PPARD: variants seen among roughly 807,000 people sequenced by gnomAD.
The protein encoded by PPARD is peroxisome proliferator-activated receptor delta.
A neutral mutation model predicts 39.5 loss-of-function variants in PPARD; 6 were observed. That is an observed-to-expected ratio of 0.15 (90% CI 0.08 to 0.30). The LOEUF is 0.30. Among genes scored for constraint, PPARD ranks in the 10% least tolerant of loss-of-function variants. PPARD has a pLI of 1.00. For missense variants in PPARD, 397 were observed against 596.8 expected (o/e 0.67, Z 3.49); for synonymous variants, 210 against 231.3 (o/e 0.91, Z 0.83).
At chr6:35,359,376 C>T (rs1391981455) in intron 2 of PPARD, among the ~76,000 whole-genome samples, 1 of 152,160 alleles carries the variant, frequency 6.6e-6, no homozygotes, top group Non-Finnish European at 1.5e-5. Flanking sequence ...TACCAGCAGG[C>T]AAACATAGTC....
At chr6:35,409,278 G>A (rs1765267977) in intron 2 of PPARD, among the ~76,000 whole-genome samples, 1 of 152,032 alleles carries the variant, frequency 6.6e-6, no homozygotes, top group South Asian at 2.1e-4. Flanking sequence ...GCCAAGGTGG[G>A]CAGATTGCTT....
chr6:35,426,461 A>C lies in PPARD; in HGVS notation c.*382A>C. ...TTGTATTATTTCACCAGCAGCATAGAACAGGACCTCTGCTTTTGCACACCT... is the reference window on the plus strand; with the variant it reads ...TTGTATTATTTCACCAGCAGCATAGCACAGGACCTCTGCTTTTGCACACCT... On this transcript the variant is annotated 3_prime_UTR_variant, in exon 8 of 8. Transcript: ENST00000360694. The C allele has an allele frequency of 4.1e-6, 1 of 245,760 alleles. No individual in the cohort carries two copies. The highest frequency in any genetic ancestry group is 8.0e-6 in the Non-Finnish European group (1 of 125,730). 15.2% of individuals were successfully genotyped at this position (245,760 alleles called of 1,614,324 possible).
intron 2 of PPARD, among the ~76,000 whole-genome samples, chr6:35,371,191 G>A (rs1034217195): frequency 1.3e-5 from 2 of 152,076 alleles, no homozygotes; most frequent in Non-Finnish European, 2.9e-5. Context: ...TGTTAGACTC[G>A]GGAATGATGC....
At chr6:35,413,684 C>CT (rs569625848) in intron 3 of PPARD, among the ~76,000 whole-genome samples, 4,869 of 139,680 alleles carry the variant, frequency 0.035, 99 homozygotes, top group Middle Eastern at 0.048. Context: ...ATGTGTGATT[C>CT]TTTTTTTTTT....
At chr6:35,396,727 G>A (rs1008216309) in intron 2 of PPARD, among the ~76,000 whole-genome samples, 1 of 151,938 alleles carries the variant, frequency 6.6e-6, no homozygotes, top group Non-Finnish European at 1.5e-5. Context: ...CTACTCAGGA[G>A]ACTGAGGCAG....
At chr6:35,420,716 A>G (rs1766094451) in intron 4 of PPARD, among the ~76,000 whole-genome samples, 1 of 147,992 alleles carries the variant, frequency 6.8e-6, no homozygotes, top group Non-Finnish European at 1.5e-5. Context: ...CTCACAGATT[A>G]TTTTATTGAA....
chr6:35,413,745 A>G (rs1562218271), intron 3 of PPARD, among the ~76,000 whole-genome samples: 1 of 150,702 alleles, frequency 6.6e-6, no homozygotes. Context: ...GCAGTGGCAC[A>G]CGATCTCAAC....
chr6:35,397,113 C>T (rs945450866), intron 2 of PPARD, among the ~76,000 whole-genome samples: 1 of 152,102 alleles, frequency 6.6e-6, no homozygotes, highest in Non-Finnish European at 1.5e-5. Context: ...CAGGTACTGA[C>T]TGGTCTTATC....
rs376621167 is a variant in PPARD at position 35,424,128 on chromosome 6, G to A, written c.607G>A (p.Gly203Ser). ...AAAGAAGGCCCGCAGCATCCTCACC[G>A]GCAAAGCCAGCCACACGGCGGTGAG... ...TKKKARSILT[G>S]KASHTAPFVI... The change falls in exon 6 of 8, where the codon GGC becomes AGC. Residue 203 changes from glycine (G) to serine (S), a missense_variant. Gly to Ser is a moderately conservative substitution (Grantham distance 56, BLOSUM62 0). Coordinates refer to ENST00000360694, the MANE Select transcript of PPARD (RefSeq NM_006238.5). This position sits in a 1 kb window ranked among gnomAD's most constrained non-coding sequence, Gnocchi z 7.1. 11 of 1,613,026 alleles carry A rather than the reference G, an allele frequency of 6.8e-6. No individual in the cohort carries two copies. The highest frequency in any genetic ancestry group is 1.6e-4 in the Middle Eastern group (1 of 6,062).
In PPARD at chr6:35,401,322, A is replaced by G. The variant is rs952799920; in HGVS notation, c.-101-9665A>G. On this transcript the variant is annotated intron_variant, in intron 2 of 7. Transcript: ENST00000360694. The surrounding 1 kb of genome is among the most constrained non-coding windows in gnomAD (Gnocchi z 4.1). ...CTCCCTTGCCAGGTTTGCTGTAACT[A>G]TTGCTCCTCCGAGCCTGGCTGAAAT... Among the ~76,000 whole-genome samples the G allele has an allele frequency of 5.3e-5, 8 of 151,984 alleles. No individual in the cohort carries two copies. The East Asian group carries it at 1.5e-3, about 29-fold the overall frequency.
rs557909431 is a variant in PPARD, at chr6:35,419,034, G to A, written c.131-1093G>A. Among the ~76,000 whole-genome samples the A allele has an allele frequency of 3.5e-4, 53 of 152,300 alleles. No individual in the cohort carries two copies. In the South Asian group the frequency reaches 0.01, roughly 30 times the overall value. ...GGGAAATCAAAGTTGCTTGGCCTGT[G>A]TAGTAGACAGGTATTACCACAGGCC... On this transcript the variant is annotated intron_variant, in intron 3 of 7. Transcript: ENST00000360694.
At chr6:35,420,819 C>CTTTTTTTTTTTTTTTT (rs35852986) in intron 4 of PPARD, among the ~76,000 whole-genome samples, 5 of 85,708 alleles carry the variant, frequency 5.8e-5, no homozygotes, top group Non-Finnish European at 8.5e-5. Flanking sequence ...AACAAAGAAG[C>CTTTTTTTTTTTTTTTT]TTTTTTTTTT....
At chr6:35,419,751 A>C (rs1281898951) in intron 3 of PPARD, among the ~76,000 whole-genome samples, 1 of 152,138 alleles carries the variant, frequency 6.6e-6, no homozygotes, top group Non-Finnish European at 1.5e-5. Context: ...CTGCTTCCTA[A>C]GGGCTAAGAC....
intron 2 of PPARD, among the ~76,000 whole-genome samples, chr6:35,384,786 TG>T (rs71002558): frequency 0.32 from 3,788 of 11,862 alleles, 1,073 homozygotes; most frequent in Non-Finnish European, 0.46. Context: ...GGGAGGGAGG[TG>T]GGGGGGTCAG....
chr6:35,412,446 G>A lies in PPARD; in HGVS notation c.130+1229G>A, dbSNP rs1362463528. ...TCAGGCAGAGGAGCAAGCCCACCCC[G>A]CAGAAATGGGCTCTGGACCCCTGTG... On this transcript the variant is annotated intron_variant, in intron 3 of 7. Transcript: ENST00000360694. This position sits in a 1 kb window ranked among gnomAD's most constrained non-coding sequence, Gnocchi z 4.1. Among the ~76,000 whole-genome samples the A allele has an allele frequency of 1.3e-5, 2 of 152,206 alleles. No individual in the cohort carries two copies. The highest frequency in any genetic ancestry group is 2.9e-5 in the Non-Finnish European group (2 of 68,030).
chr6:35,399,112 C>A (rs1438715620), intron 2 of PPARD, among the ~76,000 whole-genome samples: 1 of 146,616 alleles, frequency 6.8e-6, no homozygotes, highest in Non-Finnish European at 1.5e-5. Context: ...CCCTGTCCCC[C>A]AAAAAAAAGG....
At position 35,395,981 on chromosome 6, in the gene PPARD, G is replaced by A. The variant is rs180813325; in HGVS notation, c.-101-15006G>A. Among the ~76,000 whole-genome samples, 3 of 152,078 alleles carry A rather than the reference G, an allele frequency of 2.0e-5. No homozygotes were observed. In the East Asian group the frequency reaches 5.8e-4, roughly 29 times the overall value. The stretch of plus-strand genomic sequence containing the variant: ...GTGCTGTGCACTGTTTGATTCACAC[G>A]GAAGCTGGGTAGGCTCCATGGAAGA... On this transcript the variant is annotated intron_variant, in intron 2 of 7. Transcript: ENST00000360694.
At chr6:35,418,648 C>T (rs1274240017) in intron 3 of PPARD, among the ~76,000 whole-genome samples, 3 of 152,218 alleles carry the variant, frequency 2.0e-5, no homozygotes, top group African/African-American at 7.2e-5. Context: ...ACAGCTTTTC[C>T]CTCCCAGGCC....
intron 2 of PPARD, among the ~76,000 whole-genome samples, chr6:35,371,307 T>G (rs1162800977): frequency 2.0e-5 from 3 of 152,130 alleles, no homozygotes; most frequent in African/African-American, 7.2e-5. Context: ...CTGGTTCCTC[T>G]TCCTCTTTCC....
Sources: allele counts gnomAD v4.1 joint callset (sites outside exome capture counted in the v4.1 genomes callset), GRCh38; gene constraint gnomAD v4.1.1; non-coding constraint Gnocchi (gnomAD v3.1); transcripts MANE v1.5; gene names NCBI Gene and HGNC (gene_info 2026-07-23, HGNC 2026-07-21).